Variants in TMEM106C observed in about 807,000 individuals in gnomAD.
TMEM106C encodes the protein endoplasmic reticulum membrane protein overexpressed in cancer.
A neutral mutation model predicts 30.8 loss-of-function variants in TMEM106C; 27 were observed. That is an observed-to-expected ratio of 0.88 (90% CI 0.65 to 1.21). The LOEUF (loss-of-function observed/expected upper bound fraction) is 1.21, where lower values mean the gene tolerates loss of function less well. Ranked by LOEUF, TMEM106C falls within the 50% of genes most tolerant of loss-of-function variation. The pLI is 0.00. For synonymous variants in TMEM106C, 123 were observed against 118.8 expected (o/e 1.04, Z -0.23); for missense variants, 288 against 307.8 (o/e 0.94, Z 0.48).
intron 3 of TMEM106C, 143 bp downstream of exon 3, chr12:47,965,488 A>G (rs901498622): frequency 1.2e-5 from 9 of 770,112 alleles, no homozygotes; most frequent in Admixed American, 5.4e-5. Context: ...CCCAAGCAAG[A>G]TATCTCTGCC....
At chr12:47,967,781 G>C (rs549267752) in intron 7 of TMEM106C, among the ~76,000 whole-genome samples, 1 of 152,262 alleles carries the variant, frequency 6.6e-6, no homozygotes, top group South Asian at 2.1e-4. Flanking sequence ...GGGCTGTTCT[G>C]TGCATTATAG....
At chr12:47,967,758 C>T (rs1348500199) in intron 7 of TMEM106C, among the ~76,000 whole-genome samples, 2 of 152,098 alleles carry the variant, frequency 1.3e-5, no homozygotes, top group Non-Finnish European at 2.9e-5. Context: ...TTGGGCCAGA[C>T]CTTTGTTGTA....
Position 47,968,469 on chromosome 12 carries a change from T to A in TMEM106C, c.*240T>A. On this transcript the variant is annotated 3_prime_UTR_variant, in exon 8 of 8. Transcript: ENST00000429772. ...TGCCCAGCAAATAGTTGGCACTCAA[T>A]AAAGATTTGCAGAATTTAATACAGA... The A allele has an allele frequency of 1.7e-6, 1 of 575,410 alleles. No individual in the cohort carries two copies. The highest frequency in any genetic ancestry group is 3.2e-6 in the Non-Finnish European group (1 of 311,886). 35.6% of individuals were successfully genotyped at this position (575,410 alleles called of 1,614,324 possible). A position where few individuals can be genotyped will look rare whatever the true frequency, so the allele number is the denominator to read the frequency against.
Position 47,966,104 on chromosome 12 carries a change from A to C in TMEM106C, c.427A>C (p.Arg143=). 6.2e-7 allele frequency: 1 copy of C among 1,614,230 alleles called. No individual in the cohort carries two copies. The highest frequency in any genetic ancestry group is 8.5e-7 in the Non-Finnish European group (1 of 1,180,042). The change falls in exon 5 of 8, where the codon AGG becomes CGG. Residue 143 remains arginine (R), a synonymous_variant. Transcript: ENST00000429772. ...CCTGATGTAGGCCACCCTGAAAATC[A>C]GGAACTCCAACTTCTACACGGTGGC... ...ILTIMATLKI[R]NSNFYTVAVT...
chr12:47,967,942 G>A (rs947899863), intron 7 of TMEM106C, among the ~76,000 whole-genome samples, 191 bp from the exon 8 acceptor site: 1 of 152,096 alleles, frequency 6.6e-6, no homozygotes, highest in Admixed American at 6.5e-5. Flanking sequence ...TGTTTGGAAG[G>A]CCACCTCCTG....
intron 1 of TMEM106C, 22 bp from the exon 2 acceptor site, chr12:47,964,187 G>C: frequency 6.3e-7 from 1 of 1,580,938 alleles, no homozygotes; most frequent in Non-Finnish European, 8.6e-7. Flanking sequence ...CCGCTAACGT[G>C]CACTCCCTCT....
chr12:47,965,275 T>G lies in TMEM106C; in HGVS notation c.188-7T>G, dbSNP rs1938184522. The G allele has an allele frequency of 6.2e-7, 1 of 1,613,532 alleles. No homozygotes were observed. Among genetic ancestry groups the G allele is most frequent in the Admixed American group, 1.7e-5 (1 of 59,948 alleles). On this transcript the variant is annotated splice_polypyrimidine_tract_variant and splice_region_variant and intron_variant, in intron 2 of 7. Transcript: ENST00000429772. ...ATTTACAAAATAATTGTTTGGCTCT[T>G]TTCTAGAGCAAGTAAATGAGTTGGT... is the stretch of plus-strand genomic sequence containing the variant.
At chr12:47,964,112 C>T in intron 1 of TMEM106C, 97 bp from the exon 2 acceptor site, 1 of 1,061,670 alleles carries the variant, frequency 9.4e-7, no homozygotes, top group Non-Finnish European at 1.4e-6. Context: ...AGGGCGGCAA[C>T]TTGTCATTTT....
Position 47,968,467 on chromosome 12 carries a change from A to C in TMEM106C, c.*238A>C, listed in dbSNP as rs1565660056. The C allele has an allele frequency of 3.4e-6, 2 of 582,816 alleles. No individual in the cohort carries two copies. The highest frequency in any genetic ancestry group is 3.4e-5 in the East Asian group (1 of 29,072). The allele number at this position is 582,816 out of a possible 1,614,324, so 36.1% of individuals were successfully genotyped here. ...TGTGCCCAGCAAATAGTTGGCACTC[A>C]ATAAAGATTTGCAGAATTTAATACA... On this transcript the variant is annotated 3_prime_UTR_variant, in exon 8 of 8. Coordinates refer to ENST00000429772, the MANE Select transcript of TMEM106C (RefSeq NM_001143842.2).
chr12:47,967,814 A>G (rs1339345738), intron 7 of TMEM106C, among the ~76,000 whole-genome samples: 4 of 152,146 alleles, frequency 2.6e-5, no homozygotes, highest in Non-Finnish European at 5.9e-5. Context: ...TATTCCTGGC[A>G]TCTGCCCACT....
chr12:47,963,922 G>T, intron 1 of TMEM106C: 1 of 440,418 alleles, frequency 2.3e-6, no homozygotes, highest in Non-Finnish European at 4.2e-6. Flanking sequence ...GCTGGACCAG[G>T]TGGGAGCGGG....
chr12:47,967,093 A>C, intron 6 of TMEM106C, 115 bp from the exon 7 acceptor site: 1 of 1,035,056 alleles, frequency 9.7e-7, no homozygotes, highest in South Asian at 1.3e-5. Flanking sequence ...CCTTGGCAGC[A>C]CTTAGGTCGG....
At chr12:47,968,081 C>T in intron 7 of TMEM106C, 52 bp from the exon 8 acceptor site, 3 of 1,503,854 alleles carry the variant, frequency 2.0e-6, no homozygotes, top group Non-Finnish European at 2.8e-6. Flanking sequence ...ATTTTTCTGG[C>T]TTATTTCATC....
Position 47,966,280 on chromosome 12 carries a change from G to A in TMEM106C, c.552+51G>A, listed in dbSNP as rs759825380. On this transcript the variant is annotated intron_variant, in intron 5 of 7. Coordinates refer to ENST00000429772, the MANE Select transcript of TMEM106C (RefSeq NM_001143842.2). Reference sequence around the variant, plus strand: ...CCCCACAGGCCTAAGAGAAGAGTAGGGGGCTGTAGGAATGCCATAGCTGTG... The same window carrying A: ...CCCCACAGGCCTAAGAGAAGAGTAGAGGGCTGTAGGAATGCCATAGCTGTG... 4 of 1,596,518 alleles carry A rather than the reference G, an allele frequency of 2.5e-6. No individual in the cohort carries two copies. In the South Asian group the frequency reaches 4.5e-5, roughly 18 times the overall value.
At chr12:47,966,348 G>T (rs1384365238) in intron 5 of TMEM106C, 119 bp downstream of exon 5, 4 of 1,226,648 alleles carry the variant, frequency 3.3e-6, no homozygotes, top group Non-Finnish European at 4.5e-6. Context: ...GTAGGAACTG[G>T]TGATGAGGAA....
intron 3 of TMEM106C, 158 bp downstream of exon 3, chr12:47,965,503 T>A: frequency 1.4e-6 from 1 of 706,004 alleles, no homozygotes; most frequent in Non-Finnish European, 2.4e-6. Flanking sequence ...TCTGCCCCCA[T>A]CACAATCTGG....
Position 47,968,313 on chromosome 12 carries a change from C to T in TMEM106C, c.*84C>T, listed in dbSNP as rs774276986. On this transcript the variant is annotated 3_prime_UTR_variant, in exon 8 of 8. Coordinates refer to ENST00000429772, the MANE Select transcript of TMEM106C (RefSeq NM_001143842.2). ...AAGGCCTGAGTTCTGGACCTACCCCCACGTGGTGTAAGCAGAGGAGGAATT... is the reference window on the plus strand; with the variant it reads ...AAGGCCTGAGTTCTGGACCTACCCCTACGTGGTGTAAGCAGAGGAGGAATT... 2 of 1,075,888 alleles carry T rather than the reference C, an allele frequency of 1.9e-6. No individual in the cohort carries two copies. Among genetic ancestry groups the T allele is most frequent in the African/African-American group, 1.6e-5 (1 of 64,432 alleles). 66.6% of individuals were successfully genotyped at this position (1,075,888 alleles called of 1,614,324 possible).
At position 47,966,115 on chromosome 12, in the gene TMEM106C, C is replaced by T; in HGVS notation, c.438C>T (p.Asn146=). 1 of 1,614,208 alleles carries T rather than the reference C, an allele frequency of 6.2e-7. No individual in the cohort carries two copies. Among genetic ancestry groups the T allele is most frequent in the Non-Finnish European group, 8.5e-7 (1 of 1,180,046 alleles). Residue 146 remains asparagine, a synonymous_variant, in exon 5 of 8, where the codon AAC becomes AAT. Coordinates refer to ENST00000429772, the MANE Select transcript of TMEM106C (RefSeq NM_001143842.2). ...CCACCCTGAAAATCAGGAACTCCAA[C>T]TTCTACACGGTGGCAGTGACCAGCC... ...IMATLKIRNS[N]FYTVAVTSLS...
At position 47,966,501 on chromosome 12, in the gene TMEM106C, C is replaced by A. The variant is rs117976552; in HGVS notation, c.553-182C>A. ...GTGTTACAGCCTGAGGTCCATTGGC[C>A]TCTCAAAAGGGAAGAGGTTGGCAGT... On this transcript the variant is annotated intron_variant, in intron 5 of 7. Transcript: ENST00000429772. The A allele has an allele frequency of 3.5e-3, 2,496 of 716,880 alleles. 9 individuals carry two copies. The highest frequency in any genetic ancestry group is 4.1e-3 in the Non-Finnish European group (1,789 of 432,266). 44.4% of individuals were successfully genotyped at this position (716,880 alleles called of 1,614,324 possible).
Sources: gnomAD v4.1 joint callset for allele counts (sites outside exome capture counted in the v4.1 genomes callset) on GRCh38, gnomAD v4.1.1 for gene constraint, MANE v1.5 for transcripts, NCBI Gene and HGNC (gene_info 2026-07-23, HGNC 2026-07-21) for gene names.